The following DPY19L1 variants were observed in gnomAD, a reference collection of about 807,000 sequenced individuals.
DPY19L1 encodes protein C-mannosyl-transferase DPY19L1.
In DPY19L1, 35 loss-of-function variants were observed where a neutral mutation model predicts 96.9. The observed-to-expected ratio is 0.36, with a 90% confidence interval of 0.28 to 0.48. The LOEUF is 0.48. Among genes scored for constraint, DPY19L1 ranks in the 20% least tolerant of loss-of-function variants. The probability of loss-of-function intolerance (pLI) is 0.99; values close to 1 mark genes in which losing one functional copy is unlikely to be tolerated. For missense variants in DPY19L1, 521 were observed against 777.9 expected (o/e 0.67, Z 3.93); for synonymous variants, 205 against 252.6 (o/e 0.81, Z 1.79).
At chr7:35,008,446 T>C (rs574193867) in intron 6 of DPY19L1, among the ~76,000 whole-genome samples, 1 of 152,364 alleles carries the variant, frequency 6.6e-6, no homozygotes, top group East Asian at 1.9e-4. Context: ...TCAGTAGATG[T>C]TGTGCCTTCT....
intron 9 of DPY19L1, among the ~76,000 whole-genome samples, chr7:34,968,005 A>G (rs899141051): frequency 6.6e-6 from 1 of 152,158 alleles, no homozygotes; most frequent in African/African-American, 2.4e-5. Flanking sequence ...ACAAAAAAGC[A>G]GGCAGTCTCC....
intron 21 of DPY19L1, among the ~76,000 whole-genome samples, chr7:34,935,620 C>G (rs1404530059): frequency 6.6e-6 from 1 of 152,128 alleles, no homozygotes; most frequent in Non-Finnish European, 1.5e-5. Flanking sequence ...GGTCCCTCTT[C>G]CCCTTCCTCT....
intron 1 of DPY19L1, among the ~76,000 whole-genome samples, chr7:35,035,907 T>TAA (rs61261735): frequency 4.1e-4 from 58 of 141,114 alleles, no homozygotes; most frequent in Admixed American, 1.7e-3. Flanking sequence ...GCTACTGAGA[T>TAA]AAAAAAAAAG....
chr7:34,966,631 C>G (rs1215151761), intron 10 of DPY19L1, among the ~76,000 whole-genome samples: 1 of 152,144 alleles, frequency 6.6e-6, no homozygotes, highest in Non-Finnish European at 1.5e-5. Context: ...GATAATATAT[C>G]AGCCCCATGT....
chr7:34,993,678 T>A (rs541535213), intron 6 of DPY19L1, among the ~76,000 whole-genome samples: 3 of 151,758 alleles, frequency 2.0e-5, no homozygotes, highest in Admixed American at 1.3e-4. Context: ...TAATTTGGGT[T>A]GGGAAGGGCT....
At chr7:35,036,249 A>T (rs1380407085) in intron 1 of DPY19L1, among the ~76,000 whole-genome samples, 1 of 152,212 alleles carries the variant, frequency 6.6e-6, no homozygotes, top group Non-Finnish European at 1.5e-5. Context: ...AGTAGCGAAA[A>T]GCCCACTGAG....
intron 10 of DPY19L1, among the ~76,000 whole-genome samples, chr7:34,958,877 T>C (rs571539029): frequency 5.9e-5 from 9 of 152,344 alleles, no homozygotes; most frequent in Non-Finnish European, 1.3e-4. Flanking sequence ...GCTGGTTATG[T>C]TGTCTTGTGT....
At chr7:35,026,837 T>C (rs981258044) in intron 1 of DPY19L1, among the ~76,000 whole-genome samples, 6 of 152,228 alleles carry the variant, frequency 3.9e-5, no homozygotes, top group African/African-American at 1.4e-4. Flanking sequence ...AGAAGAACTA[T>C]TCCTTAGGTT....
At position 34,943,863 on chromosome 7, in the gene DPY19L1, C is replaced by T. The variant is rs372192426; in HGVS notation, c.1545-1224G>A. Reference sequence around the variant, plus strand: ...TAATTTCACCTCAAATGAAAAATTTCGGCATTGTAAACCAGAACGTTTTTC... The same window carrying T: ...TAATTTCACCTCAAATGAAAAATTTTGGCATTGTAAACCAGAACGTTTTTC... On this transcript the variant is annotated intron_variant, in intron 16 of 21. Coordinates refer to ENST00000638088, the MANE Select transcript of DPY19L1 (RefSeq NM_001366673.1). Among the ~76,000 whole-genome samples, 531 of 152,146 alleles carry T rather than the reference C, an allele frequency of 3.5e-3. 5 individuals carry two copies. Among genetic ancestry groups the T allele is most frequent in the East Asian group, 0.016 (83 of 5,174 alleles).
intron 6 of DPY19L1, among the ~76,000 whole-genome samples, chr7:34,998,423 C>T (rs1336176029): frequency 6.6e-6 from 1 of 152,086 alleles, no homozygotes; most frequent in Admixed American, 6.5e-5. Flanking sequence ...GACCTCATCG[C>T]CAGAGAGGGG....
chr7:34,959,568 C>T (rs1784447932), intron 10 of DPY19L1, among the ~76,000 whole-genome samples: 1 of 151,882 alleles, frequency 6.6e-6, no homozygotes, highest in Non-Finnish European at 1.5e-5. Flanking sequence ...TTTGCAGGGA[C>T]ATAGATGAAG....
chr7:35,037,940 G>A, upstream of DPY19L1: 1 of 1,221,512 alleles, frequency 8.2e-7, no homozygotes, highest in Non-Finnish European at 1.0e-6. Flanking sequence ...TCGGGATCGG[G>A]GCGCTGATTC....
chr7:34,941,704 G>A, intron 18 of DPY19L1, 61 bp downstream of exon 18: 2 of 1,531,666 alleles, frequency 1.3e-6, no homozygotes, highest in South Asian at 1.2e-5. Context: ...ATTATTTTAG[G>A]GCCACTCAAT....
intron 4 of DPY19L1, among the ~76,000 whole-genome samples, chr7:35,012,128 A>G (rs55858019): frequency 0.2 from 29,818 of 152,100 alleles, 3,294 homozygotes; most frequent in Admixed American, 0.35. Context: ...AATTCACTCA[A>G]GGTGACATCC....
chr7:34,992,584 T>A (rs328917), intron 6 of DPY19L1, among the ~76,000 whole-genome samples: 1 of 148,648 alleles, frequency 6.7e-6, no homozygotes, highest in East Asian at 2.0e-4. Flanking sequence ...TCTCACTCTG[T>A]CACCCAAGCT....
chr7:34,961,584 T>C (rs1455266535), intron 10 of DPY19L1, among the ~76,000 whole-genome samples: 5 of 152,214 alleles, frequency 3.3e-5, no homozygotes, highest in African/African-American at 1.2e-4. Flanking sequence ...ACCTTAGGTA[T>C]GGTGATGACT....
At chr7:35,010,998 C>T (rs941366598) in intron 5 of DPY19L1, among the ~76,000 whole-genome samples, 1 of 151,702 alleles carries the variant, frequency 6.6e-6, no homozygotes, top group African/African-American at 2.4e-5. Flanking sequence ...CAAGTCACCC[C>T]GAAAGGCCAC....
At chr7:34,993,787 C>T (rs1194799617) in intron 6 of DPY19L1, among the ~76,000 whole-genome samples, 1 of 152,044 alleles carries the variant, frequency 6.6e-6, no homozygotes, top group African/African-American at 2.4e-5. Context: ...GGGTCAGGCA[C>T]AGTGGCTCAT....
intron 1 of DPY19L1, among the ~76,000 whole-genome samples, chr7:35,024,847 G>T (rs10278195): frequency 0.27 from 41,418 of 152,062 alleles, 5,775 homozygotes; most frequent in Non-Finnish European, 0.31. Flanking sequence ...AGAATGCAAT[G>T]GCCTCAAGGC....
Sources: gnomAD v4.1 joint callset for allele counts (sites outside exome capture counted in the v4.1 genomes callset) on GRCh38, gnomAD v4.1.1 for gene constraint, MANE v1.5 for transcripts, NCBI Gene and HGNC (gene_info 2026-07-23, HGNC 2026-07-21) for gene names.